Variants in ADGRV1 observed in about 807,000 individuals in gnomAD.
The protein encoded by ADGRV1 is adhesion G protein-coupled receptor V1, also known as G-protein coupled receptor 98.
In ADGRV1, 359 loss-of-function variants were observed where a neutral mutation model predicts 596.2. The ratio of observed to expected loss-of-function variants is 0.60; its 90% CI spans 0.55 to 0.66. The LOEUF is 0.66. Among genes scored for constraint, ADGRV1 ranks in the 30% least tolerant of loss-of-function variants. The pLI is 0.00. For missense variants in ADGRV1, 7,274 were observed against 7,575.6 expected (o/e 0.96, Z 1.48); for synonymous variants, 2,681 against 2,679.2 (o/e 1.00, Z -0.02).
intron 86 of ADGRV1, among the ~76,000 whole-genome samples, chr5:91,099,770 G>A (rs866794354): frequency 2.6e-5 from 4 of 152,070 alleles, no homozygotes; most frequent in South Asian, 2.1e-4. Flanking sequence ...GGAGAAAACT[G>A]GAATTAACCC....
chr5:90,674,310 C>G (rs1444479143), intron 23 of ADGRV1, 76 bp downstream of exon 23: 1 of 1,193,102 alleles, frequency 8.4e-7, no homozygotes, highest in African/African-American at 1.5e-5. Context: ...TCTTAAGGCA[C>G]TTTTTGCAAA....
At chr5:90,761,855 T>C (rs1756548301) in intron 58 of ADGRV1, among the ~76,000 whole-genome samples, 2 of 152,250 alleles carry the variant, frequency 1.3e-5, no homozygotes, top group Admixed American at 1.3e-4. Flanking sequence ...CTCAGCCCTT[T>C]GTGACTTTTT....
At chr5:91,040,303 C>T (rs1785233705) in intron 85 of ADGRV1, among the ~76,000 whole-genome samples, 1 of 151,994 alleles carries the variant, frequency 6.6e-6, no homozygotes, top group South Asian at 2.1e-4. Flanking sequence ...AATTTCAAGC[C>T]TTCTCTGAGA....
At chr5:91,147,198 A>AAT (rs1795618533) in intron 87 of ADGRV1, among the ~76,000 whole-genome samples, 2 of 150,094 alleles carry the variant, frequency 1.3e-5, no homozygotes, top group Non-Finnish European at 3.0e-5. Context: ...AAAAAAAAAA[A>AAT]AGATTTGTTA....
chr5:90,570,149 C>T (rs928874376), intron 1 of ADGRV1, among the ~76,000 whole-genome samples: 1 of 152,136 alleles, frequency 6.6e-6, no homozygotes, highest in African/African-American at 2.4e-5. Context: ...CATAGTGTCT[C>T]ACTTTTTGTT....
At chr5:90,962,270 T>C (rs938259403) in intron 83 of ADGRV1, among the ~76,000 whole-genome samples, 1 of 152,250 alleles carries the variant, frequency 6.6e-6, no homozygotes, top group South Asian at 2.1e-4. Flanking sequence ...TCTGTAATCA[T>C]GTACTTCATC....
intron 85 of ADGRV1, among the ~76,000 whole-genome samples, chr5:91,001,851 T>G (rs1350181520): frequency 6.6e-6 from 1 of 152,172 alleles, no homozygotes; most frequent in African/African-American, 2.4e-5. Flanking sequence ...TTGCATTATA[T>G]TTTCTCTAAT....
intron 87 of ADGRV1, among the ~76,000 whole-genome samples, chr5:91,136,942 A>C (rs928821910): frequency 3.9e-5 from 6 of 152,190 alleles, no homozygotes; most frequent in African/African-American, 1.4e-4. Context: ...TAGAAGTAGA[A>C]ATAATAGTCA....
intron 86 of ADGRV1, among the ~76,000 whole-genome samples, chr5:91,098,738 C>G (rs1014731823): frequency 6.6e-6 from 1 of 150,880 alleles, no homozygotes; most frequent in Non-Finnish European, 1.5e-5. Context: ...GCTCCCTTAG[C>G]TTCTCCACTA....
chr5:91,105,673 G>C (rs1791801421), intron 87 of ADGRV1, among the ~76,000 whole-genome samples: 1 of 152,102 alleles, frequency 6.6e-6, no homozygotes, highest in Non-Finnish European at 1.5e-5. Flanking sequence ...TGCTTTTGCT[G>C]TTGAAATGTT....
intron 70 of ADGRV1, among the ~76,000 whole-genome samples, chr5:90,794,910 C>A (rs1760502607): frequency 6.6e-6 from 1 of 150,816 alleles, no homozygotes; most frequent in Admixed American, 6.6e-5. Flanking sequence ...CCAAGGGAAG[C>A]CATGAGGGAC....
intron 87 of ADGRV1, among the ~76,000 whole-genome samples, chr5:91,115,325 T>C (rs1792756134): frequency 6.6e-6 from 1 of 152,196 alleles, no homozygotes. Flanking sequence ...ATCTAATAAT[T>C]GTTAACATAT....
At chr5:90,855,179 C>T (rs922031062) in intron 81 of ADGRV1, among the ~76,000 whole-genome samples, 1 of 152,068 alleles carries the variant, frequency 6.6e-6, no homozygotes, top group Admixed American at 6.6e-5. Context: ...AAAATTATGA[C>T]ATGGTTTTTC....
intron 77 of ADGRV1, among the ~76,000 whole-genome samples, chr5:90,834,071 T>C (rs1400798692): frequency 1.3e-5 from 2 of 152,196 alleles, no homozygotes; most frequent in African/African-American, 4.8e-5. Flanking sequence ...TTGTTGTTTC[T>C]ATTTATATCT....
chr5:90,675,504 C>CCAGAGAAGGAT, intron 24 of ADGRV1, 59 bp downstream of exon 24: 7 of 1,446,752 alleles, frequency 4.8e-6, no homozygotes, highest in Non-Finnish European at 6.7e-6. Flanking sequence ...CATAATCCTT[C>CCAGAGAAGGAT]TCTGGAAGGG....
Position 90,619,096 on chromosome 5 carries a change from C to T in ADGRV1, c.368C>T (p.Ala123Val), listed in dbSNP as rs1200451052. ...GGGATTTTATTTTAGAAACCTTCAG[C>T]AAATGTGAAGCTTGGATGGCCAAGG... ...IFHLTLQKPS[A>V]NVKLGWPRTV... Residue 123 changes from alanine (A) to valine (V), a missense_variant, in exon 4 of 90, where the codon GCA (alanine) becomes GTA (valine). By Grantham distance (64) the Ala-to-Val change is moderately conservative. Transcript: ENST00000405460. The T allele has an allele frequency of 1.4e-6, 2 of 1,441,218 alleles. No individual in the cohort carries two copies. The highest frequency in any genetic ancestry group is 1.9e-6 in the Non-Finnish European group (2 of 1,079,388). The allele number at this position is 1,441,218 out of a possible 1,614,324, so 89.3% of individuals were successfully genotyped here. A position where few individuals can be genotyped will look rare whatever the true frequency, so the allele number is the denominator to read the frequency against.
chr5:90,725,304 T>G (rs1339810476), intron 47 of ADGRV1, 72 bp downstream of exon 47: 1 of 997,938 alleles, frequency 1.0e-6, no homozygotes, highest in African/African-American at 1.7e-5. Flanking sequence ...TTGTTCAAAT[T>G]GGAAGATAAT....
intron 83 of ADGRV1, among the ~76,000 whole-genome samples, chr5:90,951,732 T>C (rs1777075884): frequency 6.6e-6 from 1 of 152,202 alleles, no homozygotes; most frequent in Admixed American, 6.6e-5. Flanking sequence ...AACAAATGTT[T>C]ATTCAACAAC....
At position 90,788,504 on chromosome 5, in the gene ADGRV1, AT is replaced by A. The variant is rs59456029; in HGVS notation, c.13893+202del. 2.0e-3 allele frequency among the ~76,000 whole-genome samples: 305 copies of A among 152,148 alleles called. 2 individuals are homozygous for A. Among genetic ancestry groups the A allele is most frequent in the East Asian group, 2.9e-3 (15 of 5,182 alleles). The stretch of plus-strand genomic sequence containing the variant: ...ATTGCATAGCCTGATTATTGGTAAT[AT>A]TTTTTTTAAAAACATTTTAGTATAT... On this transcript the variant is annotated intron_variant, in intron 68 of 89. Coordinates refer to ENST00000405460, the MANE Select transcript of ADGRV1 (RefSeq NM_032119.4).
Sources: gnomAD v4.1 joint callset for allele counts (sites outside exome capture counted in the v4.1 genomes callset) on GRCh38, gnomAD v4.1.1 for gene constraint, MANE v1.5 for transcripts, NCBI Gene and HGNC (gene_info 2026-07-23, HGNC 2026-07-21) for gene names.